The following ZC3H3 variants were observed in gnomAD, a reference collection of about 807,000 sequenced individuals.
The protein encoded by ZC3H3 is zinc finger CCCH-type containing 3.
A neutral mutation model predicts 77.3 loss-of-function variants in ZC3H3; 36 were observed. The observed-to-expected ratio is 0.47, with a 90% confidence interval of 0.36 to 0.61. The LOEUF (loss-of-function observed/expected upper bound fraction) is 0.61. Among genes scored for constraint, ZC3H3 ranks in the 20% least tolerant of loss-of-function variants. The pLI, the probability that ZC3H3 is intolerant of heterozygous loss-of-function variation, is 0.00. For synonymous variants in ZC3H3, 626 were observed against 555.2 expected (o/e 1.13, Z -1.79); for missense variants, 1,331 against 1,312.2 (o/e 1.01, Z -0.22).
At position 143,514,218 on chromosome 8, in the gene ZC3H3, C is replaced by T. The variant is rs557108639; in HGVS notation, c.1562-6319G>A. Among the ~76,000 whole-genome samples, 15 of 152,298 alleles carry T rather than the reference C, an allele frequency of 9.8e-5. No homozygotes were observed. In the South Asian group the frequency reaches 3.1e-3, roughly 32 times the overall value. ...ATGTGCAGGGGGCAGTGAGGTCAAA[C>T]AGGAGGTCTCTGGCCCTCAAGTGCC... On this transcript the variant is annotated intron_variant, in intron 3 of 11. Coordinates refer to ENST00000262577, the MANE Select transcript of ZC3H3 (RefSeq NM_015117.3).
intron 3 of ZC3H3, among the ~76,000 whole-genome samples, chr8:143,509,021 C>A (rs944339791): frequency 5.3e-5 from 8 of 152,180 alleles, no homozygotes; most frequent in African/African-American, 1.9e-4. Context: ...CACAGACTCG[C>A]TCACTCTCCT....
intron 3 of ZC3H3, among the ~76,000 whole-genome samples, chr8:143,532,408 G>A (rs1586966460): frequency 6.6e-6 from 1 of 152,370 alleles, no homozygotes; most frequent in South Asian, 2.1e-4. Context: ...GTCCCCAGCT[G>A]GACACTGGGA....
At chr8:143,514,283 C>T (rs1437017596) in intron 3 of ZC3H3, among the ~76,000 whole-genome samples, 1 of 152,176 alleles carries the variant, frequency 6.6e-6, no homozygotes, top group Non-Finnish European at 1.5e-5. Flanking sequence ...CTCCCAGGAG[C>T]CTCAGGCCGT....
intron 4 of ZC3H3, among the ~76,000 whole-genome samples, chr8:143,483,120 C>T (rs571039919): frequency 3.3e-5 from 5 of 152,328 alleles, no homozygotes; most frequent in Admixed American, 6.5e-5. Flanking sequence ...GCGGGGAGTG[C>T]GAAGTCAGCA....
chr8:143,494,418 G>A lies in ZC3H3; in HGVS notation c.1715+13328C>T, dbSNP rs773748597. 1.1e-4 allele frequency among the ~76,000 whole-genome samples: 17 copies of A among 152,212 alleles called. No homozygotes were observed. The highest frequency in any genetic ancestry group is 2.2e-4 in the Non-Finnish European group (15 of 68,034). Reference sequence around the variant, plus strand: ...GGGAAAAGCACAAATGCCTGCCAGCGTGGAGGATGGGGCTCCGGCAGATGA... The same window carrying A: ...GGGAAAAGCACAAATGCCTGCCAGCATGGAGGATGGGGCTCCGGCAGATGA... On this transcript the variant is annotated intron_variant, in intron 4 of 11. Coordinates refer to ENST00000262577, the MANE Select transcript of ZC3H3 (RefSeq NM_015117.3). This position sits in a 1 kb window ranked among gnomAD's most constrained non-coding sequence, Gnocchi z 5.3.
chr8:143,478,203 C>G (rs933645631), intron 4 of ZC3H3, among the ~76,000 whole-genome samples: 1 of 152,206 alleles, frequency 6.6e-6, no homozygotes, highest in African/African-American at 2.4e-5. Context: ...AAGGACTCAC[C>G]TGCAGGAGTG....
chr8:143,481,649 C>G (rs1183591577), intron 4 of ZC3H3, among the ~76,000 whole-genome samples: 2 of 152,264 alleles, frequency 1.3e-5, no homozygotes, highest in Non-Finnish European at 2.9e-5. Flanking sequence ...TGAAGGCAGA[C>G]AGGGACGATG....
At chr8:143,441,747 G>A (rs980016383) in intron 9 of ZC3H3, among the ~76,000 whole-genome samples, 4 of 152,166 alleles carry the variant, frequency 2.6e-5, no homozygotes, top group Non-Finnish European at 2.9e-5. Flanking sequence ...AGGCCCCAGC[G>A]GCCCAGCCTG....
At position 143,538,953 on chromosome 8, in the gene ZC3H3, G is replaced by A. The variant is rs773352671; in HGVS notation, c.414C>T (p.Ala138=). The change falls in exon 2 of 12, where the codon GCC becomes GCT. Residue 138 remains alanine (A), a synonymous_variant. Coordinates refer to ENST00000262577, the MANE Select transcript of ZC3H3 (RefSeq NM_015117.3). ...KPPSKSGSAS[A]SGAQRGSLEE... ...CCAAAGAGCCCCGCTGGGCCCCTGAGGCACTGGCAGAGCCAGACTTTGATG... is the reference window on the plus strand; with the variant it reads ...CCAAAGAGCCCCGCTGGGCCCCTGAAGCACTGGCAGAGCCAGACTTTGATG... 1 of 1,612,938 alleles carries A rather than the reference G, an allele frequency of 6.2e-7. No individual in the cohort carries two copies. The highest frequency in any genetic ancestry group is 2.2e-5 in the East Asian group (1 of 44,902).
intron 9 of ZC3H3, among the ~76,000 whole-genome samples, chr8:143,454,507 G>A (rs1205201231): frequency 2.6e-5 from 4 of 151,372 alleles, no homozygotes; most frequent in African/African-American, 7.3e-5. Flanking sequence ...CCGGGTTCAC[G>A]CCATTCTTCT....
chr8:143,473,585 G>A (rs902461009), intron 5 of ZC3H3, among the ~76,000 whole-genome samples: 2 of 152,224 alleles, frequency 1.3e-5, no homozygotes, highest in Non-Finnish European at 2.9e-5. Flanking sequence ...GACCAGAGAG[G>A]AAAGCCAGTG....
At chr8:143,454,275 G>C (rs1820059174) in intron 9 of ZC3H3, among the ~76,000 whole-genome samples, 1 of 150,520 alleles carries the variant, frequency 6.6e-6, no homozygotes, top group Non-Finnish European at 1.5e-5. Context: ...AACTTTAGTA[G>C]AGACAGGGTT....
intron 4 of ZC3H3, among the ~76,000 whole-genome samples, chr8:143,479,866 G>GAC (rs1320242149): frequency 1.3e-5 from 2 of 152,224 alleles, no homozygotes; most frequent in Admixed American, 6.5e-5. Context: ...TGGGGAGAAA[G>GAC]ACACACACAC....
At chr8:143,507,653 C>T in intron 4 of ZC3H3, 93 bp downstream of exon 4, 1 of 1,355,264 alleles carries the variant, frequency 7.4e-7, no homozygotes. Context: ...TGCTCAGCTC[C>T]CCCTGGCCCT....
chr8:143,478,214 T>A (rs201703907), intron 4 of ZC3H3, among the ~76,000 whole-genome samples: 75 of 152,068 alleles, frequency 4.9e-4, no homozygotes, highest in Middle Eastern at 3.4e-3. Context: ...TGCAGGAGTG[T>A]CCCCCTGACT....
At position 143,533,575 on chromosome 8, in the gene ZC3H3, C is replaced by T. The variant is rs1005695599; in HGVS notation, c.1561+2682G>A. On this transcript the variant is annotated intron_variant, in intron 3 of 11. Coordinates refer to ENST00000262577, the MANE Select transcript of ZC3H3 (RefSeq NM_015117.3). The surrounding 1 kb of genome is among the most constrained non-coding windows in gnomAD (Gnocchi z 4.0). ...CGGCAGGCTGCCAGGCACAGTGACT[C>T]AACCACGCTTGCCAGTTGGGCCAGT... 3.9e-5 allele frequency among the ~76,000 whole-genome samples: 6 copies of T among 152,094 alleles called. No individual in the cohort carries two copies. Among genetic ancestry groups the T allele is most frequent in the African/African-American group, 1.4e-4 (6 of 41,402 alleles).
chr8:143,535,524 G>T (rs537640790), intron 3 of ZC3H3, among the ~76,000 whole-genome samples: 1 of 152,328 alleles, frequency 6.6e-6, no homozygotes, highest in African/African-American at 2.4e-5. Context: ...GCTCCACACT[G>T]ACCCCCACGG....
intron 4 of ZC3H3, among the ~76,000 whole-genome samples, chr8:143,477,951 C>T (rs533748915): frequency 5.3e-4 from 81 of 152,238 alleles, no homozygotes; most frequent in African/African-American, 1.2e-3. Context: ...GACTTGCTCC[C>T]GGGAGCCCCC....
At chr8:143,519,154 C>T (rs993588610) in intron 3 of ZC3H3, among the ~76,000 whole-genome samples, 3 of 152,148 alleles carry the variant, frequency 2.0e-5, no homozygotes, top group African/African-American at 7.2e-5. Flanking sequence ...AGTGTGCTGA[C>T]GGCTGACTGG....
Sources: allele counts gnomAD v4.1 joint callset (sites outside exome capture counted in the v4.1 genomes callset), GRCh38; gene constraint gnomAD v4.1.1; non-coding constraint Gnocchi (gnomAD v3.1); transcripts MANE v1.5; gene names NCBI Gene and HGNC (gene_info 2026-07-23, HGNC 2026-07-21).